ZWILCH: variants seen among roughly 807,000 people sequenced by gnomAD.
ZWILCH encodes protein zwilch homolog.
In ZWILCH, 74 loss-of-function variants were observed where a neutral mutation model predicts 79.9. The observed-to-expected ratio is 0.93, with a 90% CI of 0.77 to 1.12. The LOEUF (loss-of-function observed/expected upper bound fraction) is 1.12, where lower values mean the gene tolerates loss of function less well. ZWILCH is among the 50% of genes most tolerant of loss of function. The pLI is 0.00. For missense variants in ZWILCH, 694 were observed against 687.5 expected (o/e 1.01, Z -0.11); for synonymous variants, 241 against 228.2 (o/e 1.06, Z -0.51).
At chr15:66,546,552 T>A (rs1393074885) in intron 17 of ZWILCH, 39 bp from the exon 18 acceptor site, 1 of 1,420,214 alleles carries the variant, frequency 7.0e-7, no homozygotes, top group South Asian at 1.2e-5. Context: ...AAAAGCAGGG[T>A]GTTAAGCAAT....
chr15:66,542,893 A>G (rs956604021), intron 17 of ZWILCH, among the ~76,000 whole-genome samples: 1 of 152,234 alleles, frequency 6.6e-6, no homozygotes, highest in Admixed American at 6.5e-5. Flanking sequence ...AATTTATATT[A>G]TATAGATACC....
At position 66,532,999 on chromosome 15, in the gene ZWILCH, T is replaced by C. The variant is rs1435360983; in HGVS notation, c.1327T>C (p.Ser443Pro). The change falls in exon 14 of 19, where the codon TCT becomes CCT. Residue 443 changes from serine to proline, a missense_variant. Physicochemically the swap from Ser to Pro is moderately conservative, Grantham distance 74 (BLOSUM62 -1). Coordinates refer to ENST00000307897, the MANE Select transcript of ZWILCH (RefSeq NM_017975.5). ...TTTCTTAATAGGTCAGGAACTTGCA[T>C]CTTTGAATCATTTGGTGAGTTTATT... ...ISFFIGQELA[S>P]LNHLEYFIAP... is the part of the protein sequence containing the mutation. 2 of 1,578,768 alleles carry C rather than the reference T, an allele frequency of 1.3e-6. No homozygotes were observed. The highest frequency in any genetic ancestry group is 2.7e-5 in the African/African-American group (2 of 74,170).
intron 14 of ZWILCH, among the ~76,000 whole-genome samples, chr15:66,535,612 G>A (rs537525522): frequency 9.2e-5 from 14 of 151,486 alleles, no homozygotes; most frequent in African/African-American, 2.7e-4. Flanking sequence ...GGAGGTGGAG[G>A]TTGCAGTGAG....
In ZWILCH at chr15:66,508,977, T is replaced by C; in HGVS notation, c.105+85T>C. ...TATTTTGAGACGGAGTCATGCTCTGTTACCCAGGCTGGAGTGCAGTGGCGC... is the reference window on the plus strand; with the variant it reads ...TATTTTGAGACGGAGTCATGCTCTGCTACCCAGGCTGGAGTGCAGTGGCGC... On this transcript the variant is annotated intron_variant, in intron 2 of 18. Transcript: ENST00000307897. 3 of 1,304,516 alleles carry C rather than the reference T, an allele frequency of 2.3e-6. No homozygotes were observed. The East Asian group carries it at 7.5e-5, about 33-fold the overall frequency. 80.8% of individuals were successfully genotyped at this position (1,304,516 alleles called of 1,614,324 possible).
rs751028896 is a variant in ZWILCH at position 66,532,366 on chromosome 15, G to A, written c.1275G>A (p.Leu425=). ...IPVQMLLEIG[L]DKLKKDYISF... ...TTCAAATGCTTTTGGAAATTGGTTT[G>A]GACAAACTAAAGAAAGATTATATCA... is the stretch of plus-strand genomic sequence containing the variant. Residue 425 remains leucine, a synonymous_variant, in exon 13 of 19, where the codon TTG becomes TTA. Coordinates refer to ENST00000307897, the MANE Select transcript of ZWILCH (RefSeq NM_017975.5). 6.2e-7 allele frequency: 1 copy of A among 1,609,704 alleles called. No individual in the cohort carries two copies. The highest frequency in any genetic ancestry group is 8.5e-7 in the Non-Finnish European group (1 of 1,178,328).
chr15:66,527,256 T>C (rs987361109), intron 8 of ZWILCH, 34 bp from the exon 9 acceptor site: 1 of 1,481,572 alleles, frequency 6.7e-7, no homozygotes, highest in Non-Finnish European at 9.4e-7. Context: ...TGTTTTCTGC[T>C]AACAAGTTTT....
At chr15:66,524,971 C>T (rs2140774637) in intron 8 of ZWILCH, among the ~76,000 whole-genome samples, 1 of 152,278 alleles carries the variant, frequency 6.6e-6, no homozygotes. Context: ...GCTCCAAACC[C>T]TCATCTTTAA....
rs141851418 is a variant in ZWILCH, at chr15:66,543,584, C to T, written c.1688-3007C>T. ...CCAGCCTGGGTAACACAGTGGGACC[C>T]GATCTGTACAAAAAATACAAAAATT... On this transcript the variant is annotated intron_variant, in intron 17 of 18. Transcript: ENST00000307897. Among the ~76,000 whole-genome samples the T allele has an allele frequency of 2.7e-3, 412 of 152,102 alleles. 1 individual carries two copies. Among genetic ancestry groups the T allele is most frequent in the Middle Eastern group, 0.021 (6 of 292 alleles).
intron 16 of ZWILCH, among the ~76,000 whole-genome samples, chr15:66,538,783 T>G (rs1895100806): frequency 6.6e-6 from 1 of 152,222 alleles, no homozygotes; most frequent in African/African-American, 2.4e-5. Context: ...TAATTTGAAT[T>G]CTACCTCTCT....
chr15:66,511,460 T>C (rs1241584380), intron 2 of ZWILCH, among the ~76,000 whole-genome samples: 2 of 143,930 alleles, frequency 1.4e-5, no homozygotes, highest in Non-Finnish European at 3.0e-5. Flanking sequence ...GCCACTGCAC[T>C]CCAGTCTGGG....
intron 12 of ZWILCH, among the ~76,000 whole-genome samples, chr15:66,531,672 G>T (rs1390890196): frequency 1.3e-5 from 2 of 151,602 alleles, no homozygotes; most frequent in Non-Finnish European, 2.9e-5. Flanking sequence ...GTCCAGGCTG[G>T]TCTCAAACTC....
In ZWILCH at chr15:66,537,188, A is replaced by G. The variant is rs766979661; in HGVS notation, c.1499A>G (p.Lys500Arg). The change falls in exon 16 of 19, where the codon AAA (lysine) becomes AGA (arginine). Residue 500 changes from lysine to arginine, a missense_variant. Lys to Arg is a conservative substitution (Grantham distance 26). Coordinates refer to ENST00000307897, the MANE Select transcript of ZWILCH (RefSeq NM_017975.5). Reference protein sequence around the residue: ...SLTQICIKYYKQNPLDEQHIF... With the variant: ...SLTQICIKYYRQNPLDEQHIF... ...TTCAGGATCTGCATAAAGTATTACA[A>G]ACAAAATCCTCTTGATGAGCAACAC... The G allele has an allele frequency of 1.2e-6, 2 of 1,613,554 alleles. No individual in the cohort carries two copies. The highest frequency in any genetic ancestry group is 4.5e-5 in the East Asian group (2 of 44,876).
At chr15:66,506,648 T>C (rs968137050) in intron 1 of ZWILCH, among the ~76,000 whole-genome samples, 4 of 151,910 alleles carry the variant, frequency 2.6e-5, no homozygotes, top group African/African-American at 9.7e-5. Flanking sequence ...AGAGCAAGGC[T>C]CTGTCTCTAA....
Position 66,528,869 on chromosome 15 carries a change from T to C in ZWILCH, c.987T>C (p.Thr329=). 1 of 1,614,074 alleles carries C rather than the reference T, an allele frequency of 6.2e-7. No individual in the cohort carries two copies. The highest frequency in any genetic ancestry group is 8.5e-7 in the Non-Finnish European group (1 of 1,179,956). ...DTEVETLKHD[T]AAVDRSVKRL... ...TTTTTCAGACCTTGAAGCATGACAC[T>C]GCTGCAGTCGATCGTTCCGTCAAGC... Residue 329 remains threonine, a synonymous_variant, in exon 11 of 19, where the codon ACT becomes ACC. Transcript: ENST00000307897.
rs1055059376 is a variant in ZWILCH, at chr15:66,519,177, T to C, written c.520+99T>C. 5.9e-6 allele frequency: 7 copies of C among 1,193,776 alleles called. No homozygotes were observed. The South Asian group carries it at 8.1e-5, about 14-fold the overall frequency. The allele number at this position is 1,193,776 out of a possible 1,614,324, so 73.9% of individuals were successfully genotyped here. Reference sequence around the variant, plus strand: ...AAAATTGATATTGTTATGATGAAAGTGCACAAGGTAGAACTTGCATTAATC... The same window carrying C: ...AAAATTGATATTGTTATGATGAAAGCGCACAAGGTAGAACTTGCATTAATC... On this transcript the variant is annotated intron_variant, in intron 5 of 18. Transcript: ENST00000307897.
Position 66,517,938 on chromosome 15 carries a change from G to A in ZWILCH, c.321-941G>A, listed in dbSNP as rs1289303477. Among the ~76,000 whole-genome samples, 10 of 151,460 alleles carry A rather than the reference G, an allele frequency of 6.6e-5. No homozygotes were observed. In the East Asian group the frequency reaches 1.8e-3, roughly 27 times the overall value. The stretch of plus-strand genomic sequence containing the variant: ...AGTAGAGACGGGGTTTCACCATGTT[G>A]GTCAGGCTGGTCTCGAACTCCTGAC... On this transcript the variant is annotated intron_variant, in intron 4 of 18. Coordinates refer to ENST00000307897, the MANE Select transcript of ZWILCH (RefSeq NM_017975.5).
intron 7 of ZWILCH, 92 bp from the exon 8 acceptor site, chr15:66,523,585 G>A (rs1894577797): frequency 2.6e-6 from 2 of 759,420 alleles, no homozygotes; most frequent in Admixed American, 2.2e-5. Context: ...ATTTTTTAAT[G>A]TGTGAAAGAT....
chr15:66,532,409 T>G lies in ZWILCH; in HGVS notation c.1312+6T>G. ...TTATATCAGTTTTTTCATAGGTAAG[T>G]ATCTTTCCTGGCTCAAAAAATTAAA... On this transcript the variant is annotated splice_donor_region_variant and intron_variant, in intron 13 of 18. Transcript: ENST00000307897. The G allele has an allele frequency of 6.3e-7, 1 of 1,594,446 alleles. No homozygotes were observed. The highest frequency in any genetic ancestry group is 8.5e-7 in the Non-Finnish European group (1 of 1,173,450).
At chr15:66,541,521 C>T (rs1439722708) in intron 17 of ZWILCH, among the ~76,000 whole-genome samples, 1 of 152,034 alleles carries the variant, frequency 6.6e-6, no homozygotes, top group African/African-American at 2.4e-5. Flanking sequence ...CTGGTTAAAA[C>T]GATGATGATA....
Sources: allele counts gnomAD v4.1 joint callset (sites outside exome capture counted in the v4.1 genomes callset), GRCh38; gene constraint gnomAD v4.1.1; transcripts MANE v1.5; gene names NCBI Gene and HGNC (gene_info 2026-07-23, HGNC 2026-07-21).